ADGRB2: variants seen among roughly 807,000 people sequenced by gnomAD.
ADGRB2 encodes the protein adhesion G protein-coupled receptor B2.
ADGRB2 carries 47 observed loss-of-function variants against 178.7 expected under a neutral mutation model. That is an observed-to-expected ratio of 0.26 (90% CI 0.21 to 0.34). The LOEUF is 0.34. ADGRB2 is among the 10% of genes least tolerant of loss of function. The pLI, the probability that ADGRB2 is intolerant of heterozygous loss-of-function variation, is 1.00. For missense variants in ADGRB2, 1,584 were observed against 2,180.8 expected (o/e 0.73, Z 5.45); for synonymous variants, 870 against 912.4 (o/e 0.95, Z 0.84).
rs1288355671 is a variant in ADGRB2 at position 31,741,384 on chromosome 1, G to A, written c.1783C>T (p.Leu595=). 3.1e-6 allele frequency: 5 copies of A among 1,602,502 alleles called. No individual in the cohort carries two copies. Among genetic ancestry groups the A allele is most frequent in the Non-Finnish European group, 4.3e-6 (5 of 1,174,780 alleles). Residue 595 remains leucine, a synonymous_variant, in exon 11 of 33, where the codon CTG becomes TTG. Coordinates refer to ENST00000373658, the MANE Select transcript of ADGRB2 (RefSeq NM_001364857.2). This position sits in a 1 kb window ranked among gnomAD's most constrained non-coding sequence, Gnocchi z 6.5. The stretch of plus-strand genomic sequence containing the variant: ...CAGGGTGCACTCACTGACAGATACA[G>A]GTAGCGGTACTCATGGGAGATGCAG... ...ARCISHEYRY[L]YLSLREHLAK...
chr1:31,740,895 G>GCGCGCA lies in ADGRB2; in HGVS notation c.1795-355_1795-354insTGCGCG, dbSNP rs1553185114. On this transcript the variant is annotated intron_variant, in intron 11 of 32. Transcript: ENST00000373658. This position sits in a 1 kb window ranked among gnomAD's most constrained non-coding sequence, Gnocchi z 5.9. ...AATGAGCATGTGTGTGGGCGCGCGCGCACACACACACACACACACACACAC... is the reference window on the plus strand; with the variant it reads ...AATGAGCATGTGTGTGGGCGCGCGCGCGCGCACACACACACACACACACACACACAC... Among the ~76,000 whole-genome samples the GCGCGCA allele has an allele frequency of 3.3e-3, 468 of 140,480 alleles. 2 individuals are homozygous for GCGCGCA. Among genetic ancestry groups the GCGCGCA allele is most frequent in the Non-Finnish European group, 3.4e-3 (222 of 64,868 alleles). 92.2% of individuals were successfully genotyped at this position (140,480 alleles called of 152,430 possible). A position where few individuals can be genotyped will look rare whatever the true frequency, so the allele number is the denominator to read the frequency against.
intron 16 of ADGRB2, 38 bp from the exon 17 acceptor site, chr1:31,738,668 A>T (rs761983097): frequency 3.7e-6 from 6 of 1,611,476 alleles, no homozygotes; most frequent in Non-Finnish European, 5.1e-6. Context: ...CTAGGGAGGG[A>T]AGCTCACCAC....
Position 31,731,212 on chromosome 1 carries a change from G to T in ADGRB2, c.3968C>A (p.Pro1323His). 6.2e-7 allele frequency: 1 copy of T among 1,602,700 alleles called. No homozygotes were observed. The highest frequency in any genetic ancestry group is 8.5e-7 in the Non-Finnish European group (1 of 1,175,352). The change falls in exon 29 of 33, where the codon CCT becomes CAT. Residue 1323 changes from proline (P) to histidine (H), a missense_variant. Pro to His is a moderately conservative substitution (Grantham distance 77, BLOSUM62 -2). Coordinates refer to ENST00000373658, the MANE Select transcript of ADGRB2 (RefSeq NM_001364857.2). ...GCCACCCTCCCCACACATGTAAACA[G>T]GGTTGGCCTCCTGTGGGGGCGGAGG... The part of the protein sequence containing the change: ...GEPPPPQEAN[P>H]VYMCGEGGLR...
In ADGRB2 at chr1:31,740,329, C is replaced by T. The variant is rs746724217; in HGVS notation, c.1989+18G>A. The T allele has an allele frequency of 3.1e-6, 5 of 1,607,076 alleles. No homozygotes were observed. Among genetic ancestry groups the T allele is most frequent in the African/African-American group, 1.3e-5 (1 of 74,790 alleles). On this transcript the variant is annotated intron_variant, in intron 12 of 32. Coordinates refer to ENST00000373658, the MANE Select transcript of ADGRB2 (RefSeq NM_001364857.2). This position sits in a 1 kb window ranked among gnomAD's most constrained non-coding sequence, Gnocchi z 5.9. ...TGGGCCTTCTCCACCCTCCGCCCTC[C>T]TTCCTCCTAGGCAGTACCTGCACAT... is the stretch of plus-strand genomic sequence containing the variant.
Position 31,735,634 on chromosome 1 carries a change from T to C in ADGRB2, c.3299A>G (p.Asn1100Ser), listed in dbSNP as rs1645561679. The C allele has an allele frequency of 6.2e-7, 1 of 1,609,458 alleles. No homozygotes were observed. The highest frequency in any genetic ancestry group is 8.5e-7 in the Non-Finnish European group (1 of 1,176,564). Reference sequence around the variant, plus strand: ...GATGCCATCACGTGCCATGAGCTTGTTGAAGACGATGATTCCGATGAGCAT... The same window carrying C: ...GATGCCATCACGTGCCATGAGCTTGCTGAAGACGATGATTCCGATGAGCAT... Reference protein sequence around the residue: ...VNMLIGIIVFNKLMARDGISD... With the variant: ...VNMLIGIIVFSKLMARDGISD... Residue 1100 changes from asparagine to serine, a missense_variant, in exon 24 of 33, where the codon AAC becomes AGC. By Grantham distance (46) the Asn-to-Ser change is conservative. Around this residue, in one of 3 missense-constraint regions of ADGRB2, gnomAD observed 865 missense variants for 1,192.8 expected, o/e 0.73. Transcript: ENST00000373658. This position sits in a 1 kb window ranked among gnomAD's most constrained non-coding sequence, Gnocchi z 6.0.
Position 31,744,709 on chromosome 1 carries a change from C to G in ADGRB2, c.861G>C (p.Pro287=). 6.2e-7 allele frequency: 1 copy of G among 1,614,178 alleles called. No individual in the cohort carries two copies. ...MRYGEEPEEE[P]KVKTQWPRSA... is the part of the protein sequence containing the mutation. Reference sequence around the variant, plus strand: ...ACCTCGGCCACTGGGTTTTCACTTTCGGTTCCTCTTCCGGCTCCTCACCTG... The same window carrying G: ...ACCTCGGCCACTGGGTTTTCACTTTGGGTTCCTCTTCCGGCTCCTCACCTG... The change falls in exon 5 of 33, where the codon CCG becomes CCC. Residue 287 remains proline (P), a synonymous_variant. Coordinates refer to ENST00000373658, the MANE Select transcript of ADGRB2 (RefSeq NM_001364857.2). The surrounding 1 kb of genome is among the most constrained non-coding windows in gnomAD (Gnocchi z 6.7).
rs748416856 is a variant in ADGRB2, at chr1:31,744,660, T to C, written c.910A>G (p.Met304Val). 5 of 1,614,166 alleles carry C rather than the reference T, an allele frequency of 3.1e-6. No homozygotes were observed. The highest frequency in any genetic ancestry group is 4.2e-6 in the Non-Finnish European group (5 of 1,180,008). Residue 304 changes from methionine to valine, a missense_variant, in exon 5 of 33, where the codon ATG becomes GTG. Around this residue, in one of 3 missense-constraint regions of ADGRB2, gnomAD observed 657 missense variants for 847.6 expected, o/e 0.78. Transcript: ENST00000373658. The surrounding 1 kb of genome is among the most constrained non-coding windows in gnomAD (Gnocchi z 6.7). Reference protein sequence around the residue: ...PRSADEPGLYMAQTGDPAAEE... With the variant: ...PRSADEPGLYVAQTGDPAAEE... Reference sequence around the variant, plus strand: ...GGGCCCGAGTTACCTGTCTGCGCCATGTATAGCCCAGGCTCATCTGCAGAC... The same window carrying C: ...GGGCCCGAGTTACCTGTCTGCGCCACGTATAGCCCAGGCTCATCTGCAGAC...
rs1432192957 is a variant in ADGRB2, at chr1:31,758,923, T to G, written c.-190-1412A>C. ...AGCCAAGCCAGCGGCTGATGATGAG[T>G]GACATCCAATCCCCCTGCTGCCCCC... On this transcript the variant is annotated intron_variant, in intron 1 of 32. Coordinates refer to ENST00000373658, the MANE Select transcript of ADGRB2 (RefSeq NM_001364857.2). This position sits in a 1 kb window ranked among gnomAD's most constrained non-coding sequence, Gnocchi z 4.2. Among the ~76,000 whole-genome samples, 1 of 152,146 alleles carries G rather than the reference T, an allele frequency of 6.6e-6. No individual in the cohort carries two copies. Among genetic ancestry groups the G allele is most frequent in the African/African-American group, 2.4e-5 (1 of 41,412 alleles).
At chr1:31,732,471 G>T (rs1283307124) in intron 27 of ADGRB2, 46 bp downstream of exon 27, 1 of 1,596,044 alleles carries the variant, frequency 6.3e-7, no homozygotes, top group Non-Finnish European at 8.6e-7. Flanking sequence ...ATTGGGGTGG[G>T]GGGTGCCCAG....
chr1:31,729,783 G>T (rs1017923772), intron 29 of ADGRB2, among the ~76,000 whole-genome samples: 1 of 152,188 alleles, frequency 6.6e-6, no homozygotes, highest in African/African-American at 2.4e-5. Context: ...CGGCAGGCAG[G>T]TGTCCACAGA....
rs1557801182 is a variant in ADGRB2 at position 31,761,322 on chromosome 1, G to T, written c.-191+2562C>A. Among the ~76,000 whole-genome samples, 1 of 152,192 alleles carries T rather than the reference G, an allele frequency of 6.6e-6. No individual in the cohort carries two copies. Among genetic ancestry groups the T allele is most frequent in the Non-Finnish European group, 1.5e-5 (1 of 68,028 alleles). On this transcript the variant is annotated intron_variant, in intron 1 of 32. Transcript: ENST00000373658. This position sits in a 1 kb window ranked among gnomAD's most constrained non-coding sequence, Gnocchi z 4.2. The stretch of plus-strand genomic sequence containing the variant: ...AAGCCAGGTTTCTTCAAACTCCTCA[G>T]GCCCTCAGGCCCGGTGGCCCTGCTA...
chr1:31,735,846 G>A lies in ADGRB2; in HGVS notation c.3248C>T (p.Pro1083Leu), dbSNP rs1455738681. 6.2e-7 allele frequency: 1 copy of A among 1,609,232 alleles called. No homozygotes were observed. The highest frequency in any genetic ancestry group is 8.5e-7 in the Non-Finnish European group (1 of 1,177,670). Residue 1083 changes from proline (P) to leucine (L), a missense_variant, in exon 23 of 33, where the codon CCT becomes CTT. Pro to Leu is a moderately conservative substitution (Grantham distance 98, BLOSUM62 -3). Coordinates refer to ENST00000373658, the MANE Select transcript of ADGRB2 (RefSeq NM_001364857.2). The surrounding 1 kb of genome is among the most constrained non-coding windows in gnomAD (Gnocchi z 6.0). ...ACATACCAGGACAATGACGGCTGCA[G>A]GGCCCACAAAGGCGTAGAGCAGGCC... Reference protein sequence around the residue: ...EGGLLYAFVGPAAVIVLVNML... With the variant: ...EGGLLYAFVGLAAVIVLVNML...
chr1:31,730,368 C>T (rs1645214989), intron 29 of ADGRB2, among the ~76,000 whole-genome samples: 3 of 152,312 alleles, frequency 2.0e-5, no homozygotes, highest in Middle Eastern at 3.4e-3. Flanking sequence ...ATCCTCAAAA[C>T]GACTCCACAA....
chr1:31,734,073 C>T (rs1557740474), intron 25 of ADGRB2, among the ~76,000 whole-genome samples: 1 of 152,136 alleles, frequency 6.6e-6, no homozygotes, highest in Admixed American at 6.5e-5. Flanking sequence ...GGGGCCAAGA[C>T]CTGCCCTAGG....
chr1:31,742,105 T>G lies in ADGRB2; in HGVS notation c.1365A>C (p.Thr455=). The part of the protein sequence containing the change: ...KCSVAGPAWA[T]CTGALTDTRE... The stretch of plus-strand genomic sequence containing the variant: ...GGGTGTCAGTGAGGGCACCCGTGCA[T>G]GTGGCCCAGGCTGGGCCCGCCACGC... Residue 455 remains threonine (T), a synonymous_variant, in exon 8 of 33, where the codon ACA becomes ACC. Transcript: ENST00000373658. The G allele has an allele frequency of 6.2e-7, 1 of 1,613,162 alleles. No homozygotes were observed. Among genetic ancestry groups the G allele is most frequent in the Non-Finnish European group, 8.5e-7 (1 of 1,179,808 alleles).
rs746833028 is a variant in ADGRB2 at position 31,740,945 on chromosome 1, TCTCTCTCAAC to T, written c.1795-414_1795-405del. 3.3e-5 allele frequency among the ~76,000 whole-genome samples: 5 copies of T among 151,406 alleles called. No individual in the cohort carries two copies. The highest frequency in any genetic ancestry group is 5.9e-5 in the Non-Finnish European group (4 of 67,890). On this transcript the variant is annotated intron_variant, in intron 11 of 32. Transcript: ENST00000373658. This position sits in a 1 kb window ranked among gnomAD's most constrained non-coding sequence, Gnocchi z 5.9. ...CACACACTGTCTTTCTCTCTCTCAC[TCTCTCTCAAC>T]ACAAGCTCTAAATGCATTCACACAA...
In ADGRB2 at chr1:31,735,611, T is replaced by A; in HGVS notation, c.3322A>T (p.Ile1108Phe). Reference protein sequence around the residue: ...VFNKLMARDGISDKSKKQRAG... With the variant: ...VFNKLMARDGFSDKSKKQRAG... ...CTCTGCTTCTTGGATTTGTCGGAGA[T>A]GCCATCACGTGCCATGAGCTTGTTG... The change falls in exon 24 of 33, where the codon ATC (isoleucine) becomes TTC (phenylalanine). Residue 1108 changes from isoleucine to phenylalanine, a missense_variant. Coordinates refer to ENST00000373658, the MANE Select transcript of ADGRB2 (RefSeq NM_001364857.2). The surrounding 1 kb of genome is among the most constrained non-coding windows in gnomAD (Gnocchi z 6.0). The A allele has an allele frequency of 2.5e-6, 4 of 1,613,632 alleles. No homozygotes were observed. The highest frequency in any genetic ancestry group is 2.5e-6 in the Non-Finnish European group (3 of 1,179,748).
At chr1:31,748,127 T>C (rs1172092611) in intron 4 of ADGRB2, among the ~76,000 whole-genome samples, 2 of 152,156 alleles carry the variant, frequency 1.3e-5, no homozygotes, top group African/African-American at 4.8e-5. Flanking sequence ...CTGCTCCTCT[T>C]CTAACCACTC....
intron 29 of ADGRB2, among the ~76,000 whole-genome samples, chr1:31,729,176 C>G (rs1303769013): frequency 6.6e-6 from 1 of 152,150 alleles, no homozygotes; most frequent in Non-Finnish European, 1.5e-5. Flanking sequence ...GTAAGCTGTA[C>G]TGTACCCAGT....
Sources: gnomAD v4.1 joint callset for allele counts (sites outside exome capture counted in the v4.1 genomes callset) on GRCh38, gnomAD v4.1.1 for gene constraint, gnomAD v4.1.1 regional missense constraint, Gnocchi (gnomAD v3.1) non-coding constraint, MANE v1.5 for transcripts, NCBI Gene and HGNC (gene_info 2026-07-23, HGNC 2026-07-21) for gene names.